G3BP2: variants seen among roughly 807,000 people sequenced by gnomAD.
G3BP2 encodes the protein G3BP stress granule assembly factor 2.
G3BP2 carries 11 observed loss-of-function variants against 56.7 expected under a neutral mutation model. The ratio of observed to expected loss-of-function variants is 0.19; its 90% confidence interval spans 0.12 to 0.32. The LOEUF (loss-of-function observed/expected upper bound fraction) is 0.32. Among genes scored for constraint, G3BP2 ranks in the 10% least tolerant of loss-of-function variants. G3BP2 has a pLI of 1.00. For missense variants in G3BP2, 340 were observed against 610.9 expected, an observed-to-expected ratio of 0.56 and a Z score of 4.67; for synonymous variants, 165 against 191.6, an observed-to-expected ratio of 0.86 and a Z score of 1.15.
intron 3 of G3BP2, among the ~76,000 whole-genome samples, chr4:75,705,057 A>G (rs1323020508): frequency 6.6e-6 from 1 of 152,074 alleles, no homozygotes; most frequent in East Asian, 1.9e-4. Context: ...TTTTTAGTTC[A>G]TCGGCTATCA....
chr4:75,670,019 G>A (rs1387450698), intron 1 of G3BP2, among the ~76,000 whole-genome samples: 3 of 152,048 alleles, frequency 2.0e-5, no homozygotes, highest in Non-Finnish European at 4.4e-5. Context: ...GCTTGAACCC[G>A]GGGGCGGAGG....
intron 1 of G3BP2, among the ~76,000 whole-genome samples, chr4:75,667,967 A>C (rs1180053817): frequency 6.6e-6 from 1 of 152,216 alleles, no homozygotes; most frequent in Non-Finnish European, 1.5e-5. Flanking sequence ...TCGCACCTAA[A>C]ATCCCAGTGA....
At chr4:75,701,613 G>C (rs1244920404) in intron 3 of G3BP2, among the ~76,000 whole-genome samples, 2 of 151,088 alleles carry the variant, frequency 1.3e-5, no homozygotes, top group African/African-American at 4.9e-5. Context: ...TTTTTAGTAG[G>C]GATGGGGTTT....
intron 2 of G3BP2, among the ~76,000 whole-genome samples, chr4:75,660,816 GT>G (rs1354974611): frequency 6.6e-6 from 1 of 152,080 alleles, no homozygotes; most frequent in Non-Finnish European, 1.5e-5. Flanking sequence ...TCTTGTAAGA[GT>G]TTCACCTATC....
intron 9 of G3BP2, among the ~76,000 whole-genome samples, chr4:75,648,383 A>G (rs895234025): frequency 6.6e-6 from 1 of 151,748 alleles, no homozygotes; most frequent in African/African-American, 2.4e-5. Flanking sequence ...AAAAACAAAA[A>G]ACCGTGACAA....
At chr4:75,713,673 T>C (rs1417683451) in intron 3 of G3BP2, among the ~76,000 whole-genome samples, 1 of 152,118 alleles carries the variant, frequency 6.6e-6, no homozygotes, top group Non-Finnish European at 1.5e-5. Flanking sequence ...CCTGTAGTCC[T>C]AGCGACTCAG....
intron 1 of G3BP2, among the ~76,000 whole-genome samples, chr4:75,666,229 G>A (rs1733025475): frequency 6.6e-6 from 1 of 152,166 alleles, no homozygotes; most frequent in Non-Finnish European, 1.5e-5. Flanking sequence ...GAGAGACAGG[G>A]AAGGGCAGTA....
chr4:75,721,490 T>C (rs1338748108), intron 2 of G3BP2, among the ~76,000 whole-genome samples: 1 of 151,988 alleles, frequency 6.6e-6, no homozygotes, highest in African/African-American at 2.4e-5. Flanking sequence ...ACTCCTGAGC[T>C]TAAATGATCC....
At chr4:75,710,046 GGTAAT>G (rs1190753984) in intron 3 of G3BP2, among the ~76,000 whole-genome samples, 1 of 152,142 alleles carries the variant, frequency 6.6e-6, no homozygotes, top group African/African-American at 2.4e-5. Context: ...CCACATACTA[GGTAAT>G]GTAATGTGCT....
intron 8 of G3BP2, among the ~76,000 whole-genome samples, chr4:75,651,579 A>G (rs745644673): frequency 2.6e-4 from 39 of 152,242 alleles, no homozygotes; most frequent in Non-Finnish European, 4.3e-4. Context: ...ACTGATTGAC[A>G]TATGTTAACT....
At chr4:75,689,245 C>T (rs530006782) in intron 3 of G3BP2, among the ~76,000 whole-genome samples, 17 of 152,152 alleles carry the variant, frequency 1.1e-4, no homozygotes, top group Non-Finnish European at 1.5e-4. Context: ...GGCGTGGTGG[C>T]GCATGCCTGT....
chr4:75,697,974 A>C (rs1719191773), intron 3 of G3BP2, among the ~76,000 whole-genome samples: 1 of 152,176 alleles, frequency 6.6e-6, no homozygotes, highest in African/African-American at 2.4e-5. Flanking sequence ...TGAAATACAA[A>C]CAACCACTTA....
chr4:75,682,664 T>C (rs553333907), intron 3 of G3BP2, among the ~76,000 whole-genome samples: 4 of 152,102 alleles, frequency 2.6e-5, no homozygotes, highest in Non-Finnish European at 5.9e-5. Context: ...AAACTTCTCA[T>C]TGGGAAAAGA....
At chr4:75,724,104 G>A (rs1720298292) in intron 1 of G3BP2, 1 of 152,260 alleles carries the variant, frequency 6.6e-6, no homozygotes, top group South Asian at 2.1e-4. Flanking sequence ...AAGAGCAAGA[G>A]CTGAGAAATG....
chr4:75,669,538 C>G (rs1733318275), intron 1 of G3BP2, among the ~76,000 whole-genome samples: 1 of 152,348 alleles, frequency 6.6e-6, no homozygotes, highest in East Asian at 1.9e-4. Flanking sequence ...AGTTTGGCAT[C>G]TAAGGCCCTA....
chr4:75,715,571 C>T (rs1030020030), intron 3 of G3BP2, among the ~76,000 whole-genome samples: 6 of 152,176 alleles, frequency 3.9e-5, no homozygotes, highest in African/African-American at 1.4e-4. Flanking sequence ...GACCATCCTT[C>T]CCAGGTTGTC....
intron 3 of G3BP2, among the ~76,000 whole-genome samples, chr4:75,706,161 T>C (rs1463554299): frequency 1.3e-5 from 2 of 152,204 alleles, no homozygotes; most frequent in Non-Finnish European, 2.9e-5. Context: ...GTGAGTGCTT[T>C]GGAAACTCTA....
At chr4:75,646,902 G>A (rs1731246290) in intron 10 of G3BP2, 127 bp downstream of exon 10, 2 of 586,042 alleles carry the variant, frequency 3.4e-6, no homozygotes, top group Admixed American at 3.4e-5. Context: ...AATTAAGGTG[G>A]GTCTGGTAGC....
upstream of G3BP2, among the ~76,000 whole-genome samples, chr4:75,675,861 A>T (rs1284908048): frequency 2.6e-5 from 4 of 152,192 alleles, no homozygotes; most frequent in African/African-American, 9.6e-5. Context: ...AGGATTAGAT[A>T]GTAAATATTT....
Sources: allele counts gnomAD v4.1 joint callset (sites outside exome capture counted in the v4.1 genomes callset), GRCh38; gene constraint gnomAD v4.1.1; transcripts MANE v1.5; gene names NCBI Gene and HGNC (gene_info 2026-07-23, HGNC 2026-07-21).